Variants in DPF3 observed in about 807,000 individuals in gnomAD.
DPF3 encodes zinc finger protein DPF3.
A neutral mutation model predicts 56.8 loss-of-function variants in DPF3; 18 were observed. The ratio of observed to expected loss-of-function variants is 0.32; its 90% CI spans 0.22 to 0.47. DPF3 has a LOEUF of 0.47. Ranked by LOEUF, DPF3 falls within the 20% of genes least tolerant of loss-of-function variation. DPF3 has a pLI of 1.00. For synonymous variants in DPF3, 188 were observed against 180.2 expected, an observed-to-expected ratio of 1.04 and a Z score of -0.35; for missense variants, 403 against 488.8, an observed-to-expected ratio of 0.82 and a Z score of 1.65.
rs188922443 is a variant in DPF3 at position 72,806,363 on chromosome 14, A to G, written c.33-34470T>C. Among the ~76,000 whole-genome samples the G allele has an allele frequency of 2.6e-3, 399 of 152,238 alleles. 3 individuals are homozygous for G. Among genetic ancestry groups the G allele is most frequent in the East Asian group, 7.0e-3 (36 of 5,178 alleles). On this transcript the variant is annotated intron_variant, in intron 1 of 10. Coordinates refer to ENST00000556509, the MANE Select transcript of DPF3 (RefSeq NM_001280542.3). Reference sequence around the variant, plus strand: ...CTCAGAGCCTTGATTCTACTCATTCATTTAGTTCCTCCCCAAAAGTTCCCT... The same window carrying G: ...CTCAGAGCCTTGATTCTACTCATTCGTTTAGTTCCTCCCCAAAAGTTCCCT...
rs72728571 is a variant in DPF3 at position 72,664,633 on chromosome 14, C to T, written c.871+9607G>A. On this transcript the variant is annotated intron_variant, in intron 8 of 10. Coordinates refer to ENST00000556509, the MANE Select transcript of DPF3 (RefSeq NM_001280542.3). ...TCACCACCACCTCACCACCTCCCAC[C>T]TGCCCCCTCTGACTTAACCACTGGA... is the stretch of plus-strand genomic sequence containing the variant. 2.1e-3 allele frequency among the ~76,000 whole-genome samples: 325 copies of T among 152,210 alleles called. 1 individual carries two copies. Among genetic ancestry groups the T allele is most frequent in the South Asian group, 0.015 (72 of 4,812 alleles).
At position 72,800,386 on chromosome 14, in the gene DPF3, ATGGATGGATGGATG is replaced by A. The variant is rs1567236957; in HGVS notation, c.33-28507_33-28494del. Among the ~76,000 whole-genome samples, 34 of 151,686 alleles carry A rather than the reference ATGGATGGATGGATG, an allele frequency of 2.2e-4. 3 individuals carry two copies. The Middle Eastern group carries it at 0.038, about 168-fold the overall frequency. On this transcript the variant is annotated intron_variant, in intron 1 of 10. Transcript: ENST00000556509. ...GATGGATAAATAGATAAATGGATGGATGGATGGATGGATGGATGGATGGATGGATGGATGGACGG... is the reference window on the plus strand; with the variant it reads ...GATGGATAAATAGATAAATGGATGGAGATGGATGGATGGATGGATGGACGG...
At chr14:72,690,425 T>C (rs900812050) in intron 7 of DPF3, among the ~76,000 whole-genome samples, 2 of 152,122 alleles carry the variant, frequency 1.3e-5, no homozygotes, top group Non-Finnish European at 2.9e-5. Context: ...ACCAAGCACA[T>C]GGACGGACAC....
rs1886089567 is a variant in DPF3 at position 72,657,451 on chromosome 14, A to G, written c.871+16789T>C. Reference sequence around the variant, plus strand: ...TTTGGACTCTGTACCAAAACTAGAAAAACTAGTAAACAGCTTTCCAAAATC... The same window carrying G: ...TTTGGACTCTGTACCAAAACTAGAAGAACTAGTAAACAGCTTTCCAAAATC... On this transcript the variant is annotated intron_variant, in intron 8 of 10. Transcript: ENST00000556509. Among the ~76,000 whole-genome samples, 3 of 152,224 alleles carry G rather than the reference A, an allele frequency of 2.0e-5. No homozygotes were observed. In the South Asian group the frequency reaches 6.2e-4, roughly 32 times the overall value.
chr14:72,723,726 C>A lies in DPF3; in HGVS notation c.432G>T (p.Arg144Ser). ...REEESIQEIQ[R>S]VLENDENVEE... ...CTACATTTTCATCATTTTCCAAAAC[C>A]CTCTGAAATGAAAAAAAAAAATAGA... The change falls in exon 5 of 11, where the codon AGG becomes AGT. Residue 144 changes from arginine (R) to serine (S), a missense_variant and splice_region_variant. Coordinates refer to ENST00000556509, the MANE Select transcript of DPF3 (RefSeq NM_001280542.3). 1 of 1,567,968 alleles carries A rather than the reference C, an allele frequency of 6.4e-7. No individual in the cohort carries two copies. Among genetic ancestry groups the A allele is most frequent in the Non-Finnish European group, 8.6e-7 (1 of 1,166,070 alleles).
intron 8 of DPF3, among the ~76,000 whole-genome samples, chr14:72,668,295 A>T (rs1261942666): frequency 6.6e-6 from 1 of 152,192 alleles, no homozygotes; most frequent in Admixed American, 6.5e-5. Flanking sequence ...CTCTGGGTCA[A>T]CTTTTCTCAA....
chr14:72,837,060 A>G (rs1033515942), intron 1 of DPF3, among the ~76,000 whole-genome samples: 3 of 151,792 alleles, frequency 2.0e-5, no homozygotes, highest in Non-Finnish European at 4.4e-5. Flanking sequence ...TAGTAGAGAC[A>G]GGGTTTCACC....
intron 1 of DPF3, among the ~76,000 whole-genome samples, chr14:72,832,263 G>T (rs1331342393): frequency 2.0e-5 from 3 of 151,862 alleles, no homozygotes; most frequent in African/African-American, 7.3e-5. Flanking sequence ...GAGGGAGAAA[G>T]ATAAAGCACT....
chr14:72,684,919 G>A (rs571268582), intron 7 of DPF3, among the ~76,000 whole-genome samples: 2 of 152,150 alleles, frequency 1.3e-5, no homozygotes, highest in South Asian at 2.1e-4. Context: ...ACACCAAAGA[G>A]CTTGTTTCTC....
intron 1 of DPF3, among the ~76,000 whole-genome samples, chr14:72,863,600 G>C (rs1861162): frequency 6.7e-6 from 1 of 150,136 alleles, no homozygotes; most frequent in Non-Finnish European, 1.5e-5. Flanking sequence ...AAAAGGGCAC[G>C]TGTGTCTGCC....
chr14:72,765,935 T>C lies in DPF3; in HGVS notation c.193+5798A>G, dbSNP rs541091445. Among the ~76,000 whole-genome samples, 13 of 152,092 alleles carry C rather than the reference T, an allele frequency of 8.5e-5. No individual in the cohort carries two copies. The South Asian group carries it at 2.5e-3, about 29-fold the overall frequency. The stretch of plus-strand genomic sequence containing the variant: ...TCTCAAAAAAAAACAAAAGGGAGTA[T>C]ACAGTGTGTGTTTCTGGTATAGAAA... On this transcript the variant is annotated intron_variant, in intron 2 of 10. Coordinates refer to ENST00000556509, the MANE Select transcript of DPF3 (RefSeq NM_001280542.3).
chr14:72,823,573 C>A (rs1006846419), intron 1 of DPF3, among the ~76,000 whole-genome samples: 3 of 152,062 alleles, frequency 2.0e-5, no homozygotes, highest in African/African-American at 7.2e-5. Context: ...CATTGCGTGG[C>A]GAGGAGTCAG....
At chr14:72,736,269 A>T (rs1889890653) in intron 3 of DPF3, among the ~76,000 whole-genome samples, 1 of 152,226 alleles carries the variant, frequency 6.6e-6, no homozygotes, top group Non-Finnish European at 1.5e-5. Flanking sequence ...CATTGTCTTC[A>T]AAGTCTGGTG....
chr14:72,758,040 C>T (rs1203341541), intron 2 of DPF3, among the ~76,000 whole-genome samples: 2 of 151,656 alleles, frequency 1.3e-5, no homozygotes, highest in African/African-American at 4.8e-5. Context: ...GAGGAAATTG[C>T]CTATACGAAA....
In DPF3 at chr14:72,703,201, G is replaced by A. The variant is rs141986284; in HGVS notation, c.605-9988C>T. On this transcript the variant is annotated intron_variant, in intron 6 of 10. Transcript: ENST00000556509. ...CTGCACGATTGGCAGCTGCCGTCCC[G>A]TGGCTTCATACCTTCTTTCAGGCCA... is the stretch of plus-strand genomic sequence containing the variant. Among the ~76,000 whole-genome samples the A allele has an allele frequency of 6.4e-3, 981 of 152,162 alleles. 21 individuals are homozygous for A. The highest frequency in any genetic ancestry group is 0.023 in the African/African-American group (941 of 41,508).
chr14:72,805,629 T>C (rs541157006), intron 1 of DPF3, among the ~76,000 whole-genome samples: 9 of 152,156 alleles, frequency 5.9e-5, no homozygotes, highest in African/African-American at 2.2e-4. Flanking sequence ...GCAGATCACT[T>C]CAGGTCAGGA....
chr14:72,763,057 A>T (rs10135274), intron 2 of DPF3, among the ~76,000 whole-genome samples: 2,550 of 151,908 alleles, frequency 0.017, 43 homozygotes, highest in Non-Finnish European at 0.026. Flanking sequence ...AAAATGTTAA[A>T]GATCTATACA....
At chr14:72,621,827 C>T (rs1181119180) in intron 9 of DPF3, among the ~76,000 whole-genome samples, 3 of 152,112 alleles carry the variant, frequency 2.0e-5, no homozygotes, top group African/African-American at 4.8e-5. Flanking sequence ...CCAAGGATGC[C>T]GTCTGGGTTG....
At chr14:72,752,913 T>C (rs1253023200) in intron 3 of DPF3, among the ~76,000 whole-genome samples, 2 of 152,198 alleles carry the variant, frequency 1.3e-5, no homozygotes, top group African/African-American at 4.8e-5. Context: ...CCAAGATTTC[T>C]TTACTTGAGG....
Sources: allele counts gnomAD v4.1 joint callset (sites outside exome capture counted in the v4.1 genomes callset), GRCh38; gene constraint gnomAD v4.1.1; transcripts MANE v1.5; gene names NCBI Gene and HGNC (gene_info 2026-07-23, HGNC 2026-07-21).